Variants in SCFD2 observed in about 807,000 individuals in gnomAD.
The protein encoded by SCFD2 is sec1 family domain containing 2.
SCFD2 carries 54 observed loss-of-function variants against 58.9 expected under a neutral mutation model. The observed-to-expected ratio is 0.92, with a 90% confidence interval of 0.74 to 1.15. SCFD2 has a LOEUF of 1.15. Ranked by LOEUF, SCFD2 falls within the 50% of genes most tolerant of loss-of-function variation. The pLI, the probability that SCFD2 is intolerant of heterozygous loss-of-function variation, is 0.00. For missense variants in SCFD2, 805 were observed against 836.6 expected, an observed-to-expected ratio of 0.96 and a Z score of 0.47; for synonymous variants, 321 against 335.9, an observed-to-expected ratio of 0.96 and a Z score of 0.49.
intron 5 of SCFD2, among the ~76,000 whole-genome samples, chr4:53,104,881 TAG>T (rs1724941015): frequency 6.6e-6 from 1 of 151,980 alleles, no homozygotes; most frequent in Non-Finnish European, 1.5e-5. Context: ...AAAAGAGAAT[TAG>T]AGAGTGGCTG....
Position 53,273,894 on chromosome 4 carries a change from G to C in SCFD2, c.1243C>G (p.Gln415Glu). The stretch of plus-strand genomic sequence containing the variant: ...GCAGTCTGTGGGTGTTTCAACGTTT[G>C]AGCTGTGGCCAGTCCAAGCTGGAGG... ...GLLQLGLATA[Q>E]TLKHPQTAKW... is the part of the protein sequence containing the mutation. Residue 415 changes from glutamine (Q) to glutamate (E), a missense_variant, in exon 4 of 9, where the codon CAA becomes GAA. Physicochemically the swap from Gln to Glu is conservative, Grantham distance 29. This residue lies in a region of SCFD2 where 633 missense variants were observed against 646.8 expected (regional missense o/e 0.98). Transcript: ENST00000401642. 1 of 1,613,938 alleles carries C rather than the reference G, an allele frequency of 6.2e-7. No homozygotes were observed. Among genetic ancestry groups the C allele is most frequent in the Non-Finnish European group, 8.5e-7 (1 of 1,179,896 alleles).
chr4:53,315,985 T>G (rs1732850792), intron 2 of SCFD2, among the ~76,000 whole-genome samples: 1 of 152,114 alleles, frequency 6.6e-6, no homozygotes, highest in African/African-American at 2.4e-5. Flanking sequence ...CATGGCCTCC[T>G]AGACCATTCT....
rs545235064 is a variant in SCFD2, at chr4:52,953,438, A to C, written c.1562-32568T>G. On this transcript the variant is annotated intron_variant, in intron 5 of 8. Coordinates refer to ENST00000401642, the MANE Select transcript of SCFD2 (RefSeq NM_152540.4). ...GACAAGTTCACAGACAGCGCTGGAC[A>C]CCAACCCTGCCAGCTATGAATATTC... is the stretch of plus-strand genomic sequence containing the variant. Among the ~76,000 whole-genome samples, 4 of 152,332 alleles carry C rather than the reference A, an allele frequency of 2.6e-5. No homozygotes were observed. The South Asian group carries it at 8.3e-4, about 32-fold the overall frequency.
intron 3 of SCFD2, among the ~76,000 whole-genome samples, chr4:53,283,866 C>T (rs1026474378): frequency 2.6e-5 from 4 of 151,862 alleles, no homozygotes; most frequent in Non-Finnish European, 5.9e-5. Context: ...GCATGTAATC[C>T]CAGCACCTTG....
chr4:53,238,257 G>A (rs1213568555), intron 4 of SCFD2, among the ~76,000 whole-genome samples: 2 of 133,472 alleles, frequency 1.5e-5, no homozygotes, highest in Non-Finnish European at 3.3e-5. Context: ...GGGGCGGCCA[G>A]GCAGAGGCGC....
Position 53,207,544 on chromosome 4 carries a change from TATA to T in SCFD2, c.1312-61965_1312-61963del, listed in dbSNP as rs1176866298. 6.8e-4 allele frequency among the ~76,000 whole-genome samples: 11 copies of T among 16,116 alleles called. 3 individuals carry two copies. Among genetic ancestry groups the T allele is most frequent in the Non-Finnish European group, 1.0e-3 (10 of 9,700 alleles). The allele number at this position is 16,116 out of a possible 152,430, so 10.6% of individuals were successfully genotyped here. A position where few individuals can be genotyped will look rare whatever the true frequency, so the allele number is the denominator to read the frequency against. On this transcript the variant is annotated intron_variant, in intron 4 of 8. Coordinates refer to ENST00000401642, the MANE Select transcript of SCFD2 (RefSeq NM_152540.4). ...ATATATAATATTTATATATTATATA[TATA>T]ATATTTATATATAATATATATAATA...
intron 4 of SCFD2, among the ~76,000 whole-genome samples, chr4:53,172,390 G>C (rs1036993927): frequency 6.6e-6 from 1 of 151,956 alleles, no homozygotes; most frequent in Non-Finnish European, 1.5e-5. Context: ...CTAACTTTTG[G>C]CTTAGTTTGT....
rs918416768 is a variant in SCFD2, at chr4:53,212,575, C to T, written c.1311+61251G>A. Among the ~76,000 whole-genome samples the T allele has an allele frequency of 4.7e-3, 668 of 142,262 alleles. 10 individuals are homozygous for T. Among genetic ancestry groups the T allele is most frequent in the African/African-American group, 0.018 (643 of 36,682 alleles). 93.3% of individuals were successfully genotyped at this position (142,262 alleles called of 152,430 possible). ...AAGAGAGAGAGGAAGAAAGTGAGCA[C>T]GTGTGTGTGTGTGTGTGTGTGTGTG... On this transcript the variant is annotated intron_variant, in intron 4 of 8. Transcript: ENST00000401642.
chr4:52,954,200 C>T (rs894058082), intron 5 of SCFD2, among the ~76,000 whole-genome samples: 11 of 152,228 alleles, frequency 7.2e-5, no homozygotes, highest in African/African-American at 2.7e-4. Context: ...ACAACCTCCT[C>T]TTCAGTGGCA....
chr4:53,263,953 T>G (rs1323385479), intron 4 of SCFD2, among the ~76,000 whole-genome samples: 2 of 152,140 alleles, frequency 1.3e-5, no homozygotes, highest in Non-Finnish European at 2.9e-5. Context: ...CAGACTCTCC[T>G]TGGGCGAGGC....
chr4:53,354,913 T>G (rs907831489), intron 1 of SCFD2, among the ~76,000 whole-genome samples: 1 of 152,114 alleles, frequency 6.6e-6, no homozygotes, highest in Admixed American at 6.5e-5. Flanking sequence ...GTTTCCCAGA[T>G]AGTTGAAACT....
intron 5 of SCFD2, among the ~76,000 whole-genome samples, chr4:53,035,898 C>T (rs1279265823): frequency 6.6e-6 from 1 of 152,044 alleles, no homozygotes; most frequent in Admixed American, 6.6e-5. Context: ...TTAGTTCCAC[C>T]ATTGTGGAAG....
At chr4:53,115,887 T>G (rs1725304762) in intron 5 of SCFD2, among the ~76,000 whole-genome samples, 1 of 152,202 alleles carries the variant, frequency 6.6e-6, no homozygotes, top group African/African-American at 2.4e-5. Context: ...TCTTATCATA[T>G]AGAAGACCTA....
chr4:53,210,728 T>A (rs1185820535), intron 4 of SCFD2, among the ~76,000 whole-genome samples: 4 of 152,128 alleles, frequency 2.6e-5, no homozygotes, highest in African/African-American at 9.7e-5. Context: ...TTGTCCATTG[T>A]TCCTGGCTCG....
At chr4:53,132,248 T>C (rs1725805454) in intron 5 of SCFD2, among the ~76,000 whole-genome samples, 1 of 152,252 alleles carries the variant, frequency 6.6e-6, no homozygotes, top group Non-Finnish European at 1.5e-5. Context: ...TTTAGTAATA[T>C]GTGCTATGGG....
intron 5 of SCFD2, among the ~76,000 whole-genome samples, chr4:52,989,463 T>C (rs1295809263): frequency 2.0e-5 from 3 of 152,230 alleles, no homozygotes; most frequent in African/African-American, 7.2e-5. Context: ...TGAAATGTGA[T>C]AGCTTAGGAG....
Position 52,907,467 on chromosome 4 carries a change from A to G in SCFD2, c.1832T>C (p.Met611Thr). Residue 611 changes from methionine (M) to threonine (T), a missense_variant, in exon 7 of 9, where the codon ATG becomes ACG. Physicochemically the swap from Met to Thr is moderately conservative, Grantham distance 81. Around this residue, in one of 3 missense-constraint regions of SCFD2, gnomAD observed 633 missense variants for 646.8 expected, o/e 0.98. Coordinates refer to ENST00000401642, the MANE Select transcript of SCFD2 (RefSeq NM_152540.4). ...CCATGGTTACTTTACCTTCATGAAC[A>G]TGCTAAATCCAGTTTTAAGGAGATC... ...LTDLLKTGFS[M>T]FMKVSRPHPS... 1.2e-6 allele frequency: 2 copies of G among 1,613,846 alleles called. No individual in the cohort carries two copies. Among genetic ancestry groups the G allele is most frequent in the East Asian group, 2.2e-5 (1 of 44,890 alleles).
At chr4:53,331,904 A>C (rs1381927948) in intron 2 of SCFD2, among the ~76,000 whole-genome samples, 1 of 152,206 alleles carries the variant, frequency 6.6e-6, no homozygotes, top group African/African-American at 2.4e-5. Context: ...ATAAAAAATG[A>C]TAAAGGGGAT....
At chr4:53,202,293 C>T (rs1728269378) in intron 4 of SCFD2, among the ~76,000 whole-genome samples, 2 of 152,172 alleles carry the variant, frequency 1.3e-5, no homozygotes, top group African/African-American at 2.4e-5. Flanking sequence ...ATCCTTTCCC[C>T]ATTGCTTGTT....
Sources: allele counts gnomAD v4.1 joint callset (sites outside exome capture counted in the v4.1 genomes callset), GRCh38; gene constraint gnomAD v4.1.1; regional missense constraint gnomAD v4.1.1; transcripts MANE v1.5; gene names NCBI Gene and HGNC (gene_info 2026-07-23, HGNC 2026-07-21).